The following CYRIB variants were observed in gnomAD, a reference collection of about 807,000 sequenced individuals.
CYRIB encodes the protein CYFIP related Rac1 interactor B.
A neutral mutation model predicts 44.2 loss-of-function variants in CYRIB; 8 were observed. That is an observed-to-expected ratio of 0.18 (90% CI 0.11 to 0.33). The LOEUF is 0.33. Among genes scored for constraint, CYRIB ranks in the 10% least tolerant of loss-of-function variants. The pLI, the probability that CYRIB is intolerant of heterozygous loss-of-function variation, is 1.00. For missense variants in CYRIB, 185 were observed against 382.8 expected (o/e 0.48, Z 4.31); for synonymous variants, 131 against 127.2 (o/e 1.03, Z -0.20).
At chr8:129,960,521 T>A (rs1174087585) in intron 2 of CYRIB, among the ~76,000 whole-genome samples, 2 of 150,150 alleles carry the variant, frequency 1.3e-5, no homozygotes. Context: ...GATAATCGCT[T>A]AAACCTGGGA....
chr8:129,956,354 G>A (rs898910415), intron 2 of CYRIB, among the ~76,000 whole-genome samples: 1 of 151,960 alleles, frequency 6.6e-6, no homozygotes, highest in Non-Finnish European at 1.5e-5. Context: ...ATCATCTGGA[G>A]AGCTTAAAAA....
chr8:129,958,582 G>A (rs1439514759), intron 2 of CYRIB, among the ~76,000 whole-genome samples: 1 of 152,064 alleles, frequency 6.6e-6, no homozygotes, highest in East Asian at 1.9e-4. Context: ...AAACCTAATG[G>A]CAGCCTCGGG....
chr8:129,883,303 A>T (rs1475578458), intron 2 of CYRIB, among the ~76,000 whole-genome samples: 1 of 151,770 alleles, frequency 6.6e-6, no homozygotes, highest in Non-Finnish European at 1.5e-5. Flanking sequence ...CCCCCATACA[A>T]GCTGTGACAA....
intron 2 of CYRIB, among the ~76,000 whole-genome samples, chr8:129,966,646 T>C (rs924834820): frequency 2.0e-5 from 3 of 152,208 alleles, no homozygotes; most frequent in Non-Finnish European, 2.9e-5. Context: ...GAGGATCACT[T>C]GAGTCCAGGA....
chr8:129,917,509 G>A (rs568658554), intron 1 of CYRIB, among the ~76,000 whole-genome samples: 142 of 152,146 alleles, frequency 9.3e-4, no homozygotes, highest in Non-Finnish European at 1.8e-3. Flanking sequence ...TAATGGCATA[G>A]GACACAAAGA....
chr8:129,880,877 G>A (rs1457637196), intron 2 of CYRIB, among the ~76,000 whole-genome samples: 1 of 151,914 alleles, frequency 6.6e-6, no homozygotes, highest in African/African-American at 2.4e-5. Flanking sequence ...ATCCTATTGG[G>A]AACACAAAGA....
chr8:129,845,612 A>G (rs533824535), intron 11 of CYRIB, among the ~76,000 whole-genome samples: 1 of 152,332 alleles, frequency 6.6e-6, no homozygotes, highest in East Asian at 1.9e-4. Context: ...TTTAAAAACT[A>G]TTTTTAAACA....
At chr8:129,925,549 C>G (rs1309565833) in intron 1 of CYRIB, among the ~76,000 whole-genome samples, 1 of 152,190 alleles carries the variant, frequency 6.6e-6, no homozygotes, top group Non-Finnish European at 1.5e-5. Context: ...TATACCTACT[C>G]TTTTGGGTTT....
intron 1 of CYRIB, among the ~76,000 whole-genome samples, chr8:129,938,790 C>G (rs2130380310): frequency 6.6e-6 from 1 of 152,130 alleles, no homozygotes; most frequent in East Asian, 1.9e-4. Context: ...GAAATTAATC[C>G]ATCATAGAAG....
intron 1 of CYRIB, among the ~76,000 whole-genome samples, chr8:129,938,583 A>T (rs2130325000): frequency 6.6e-6 from 1 of 152,348 alleles, no homozygotes; most frequent in African/African-American, 2.4e-5. Context: ...CCAAGGATTC[A>T]GGCATTTCAT....
chr8:129,888,074 G>A (rs2063508704), intron 2 of CYRIB, among the ~76,000 whole-genome samples: 1 of 152,172 alleles, frequency 6.6e-6, no homozygotes, highest in South Asian at 2.1e-4. Flanking sequence ...GATATGGTTT[G>A]AATTTGTGTC....
intron 2 of CYRIB, among the ~76,000 whole-genome samples, chr8:129,880,973 A>G (rs937084190): frequency 6.6e-6 from 1 of 151,622 alleles, no homozygotes; most frequent in African/African-American, 2.4e-5. Context: ...TACCACACAT[A>G]AAATGTTTTT....
intron 5 of CYRIB, among the ~76,000 whole-genome samples, chr8:129,858,034 T>C (rs6990423): frequency 0.022 from 3,309 of 152,288 alleles, 137 homozygotes; most frequent in African/African-American, 0.073. Flanking sequence ...GGTAGATCTA[T>C]GTTGAAAGGG....
chr8:129,937,988 C>T (rs2093110865), intron 1 of CYRIB, among the ~76,000 whole-genome samples: 1 of 152,060 alleles, frequency 6.6e-6, no homozygotes, highest in South Asian at 2.1e-4. Context: ...TAACACCAAG[C>T]TCCCCAAAAA....
chr8:129,929,506 T>C (rs1311607653), intron 1 of CYRIB, among the ~76,000 whole-genome samples: 1 of 152,198 alleles, frequency 6.6e-6, no homozygotes, highest in Non-Finnish European at 1.5e-5. Context: ...ATGAATTTTA[T>C]AGTGTATAAA....
At chr8:129,849,203 G>C in intron 10 of CYRIB, 40 bp downstream of exon 12, 1 of 1,537,764 alleles carries the variant, frequency 6.5e-7, no homozygotes, top group Non-Finnish European at 8.7e-7. Flanking sequence ...TTTCCATGGA[G>C]AAACTCGTTT....
upstream of CYRIB, among the ~76,000 whole-genome samples, chr8:129,944,729 G>A (rs530550718): frequency 7.7e-4 from 117 of 151,796 alleles, no homozygotes; most frequent in African/African-American, 2.7e-3. Context: ...GTCGCAGTGA[G>A]CCAATATCCC....
At chr8:129,996,028 G>A (rs2096756489) in intron 1 of CYRIB, among the ~76,000 whole-genome samples, 1 of 152,172 alleles carries the variant, frequency 6.6e-6, no homozygotes, top group African/African-American at 2.4e-5. Context: ...CCCTGTTTTA[G>A]GTGCCCCTGC....
chr8:129,975,090 A>G (rs1245290145), intron 1 of CYRIB, among the ~76,000 whole-genome samples: 3 of 152,136 alleles, frequency 2.0e-5, no homozygotes, highest in Non-Finnish European at 4.4e-5. Context: ...CATACTGGCC[A>G]GGCTGGTCTC....
Sources: gnomAD v4.1 joint callset for allele counts (sites outside exome capture counted in the v4.1 genomes callset) on GRCh38, gnomAD v4.1.1 for gene constraint, MANE v1.5 for transcripts, NCBI Gene and HGNC (gene_info 2026-07-23, HGNC 2026-07-21) for gene names.